Variants in TM9SF2 observed in about 807,000 individuals in gnomAD.
TM9SF2 encodes transmembrane 9 superfamily member 2, also known as 76 kDa membrane protein.
A neutral mutation model predicts 84.9 loss-of-function variants in TM9SF2; 13 were observed. The ratio of observed to expected loss-of-function variants is 0.15; its 90% CI spans 0.10 to 0.24. The LOEUF (loss-of-function observed/expected upper bound fraction) is 0.24. Ranked by LOEUF, TM9SF2 falls within the 10% of genes least tolerant of loss-of-function variation. The pLI is 1.00. For missense variants in TM9SF2, 562 were observed against 818.5 expected (o/e 0.69, Z 3.82); for synonymous variants, 273 against 285.8 (o/e 0.96, Z 0.45).
At chr13:99,521,406 C>G (rs1662421794) in intron 3 of TM9SF2, among the ~76,000 whole-genome samples, 1 of 152,202 alleles carries the variant, frequency 6.6e-6, no homozygotes, top group African/African-American at 2.4e-5. Flanking sequence ...CCCAGCCCGA[C>G]AGCTTCCTCT....
At chr13:99,535,573 A>G (rs1037734464) in intron 4 of TM9SF2, among the ~76,000 whole-genome samples, 2 of 152,212 alleles carry the variant, frequency 1.3e-5, no homozygotes, top group Non-Finnish European at 2.9e-5. Context: ...GCAGTTTAAT[A>G]GTATAGGTGA....
chr13:99,512,542 A>C (rs2046117870), intron 1 of TM9SF2, among the ~76,000 whole-genome samples: 1 of 152,192 alleles, frequency 6.6e-6, no homozygotes, highest in African/African-American at 2.4e-5. Flanking sequence ...TGAGGGAGGA[A>C]AGGGTGTGAA....
intron 5 of TM9SF2, 83 bp downstream of exon 5, chr13:99,536,820 T>C (rs2046236525): frequency 4.7e-6 from 7 of 1,497,144 alleles, no homozygotes; most frequent in East Asian, 2.3e-5. Flanking sequence ...AAAATTGTTA[T>C]ATTCATTGAA....
chr13:99,548,216 C>T (rs2046291824), intron 11 of TM9SF2, among the ~76,000 whole-genome samples: 1 of 152,292 alleles, frequency 6.6e-6, no homozygotes, highest in Non-Finnish European at 1.5e-5. Flanking sequence ...CCCATCTGCA[C>T]TCCACTCACT....
In TM9SF2 at chr13:99,562,940, A is replaced by C; in HGVS notation, c.*182A>C. 1 of 520,520 alleles carries C rather than the reference A, an allele frequency of 1.9e-6. No individual in the cohort carries two copies. Among genetic ancestry groups the C allele is most frequent in the Non-Finnish European group, 3.4e-6 (1 of 297,546 alleles). The allele number at this position is 520,520 out of a possible 1,614,324, so 32.2% of individuals were successfully genotyped here. A position where few individuals can be genotyped will look rare whatever the true frequency, so the allele number is the denominator to read the frequency against. On this transcript the variant is annotated 3_prime_UTR_variant, in exon 17 of 17. Transcript: ENST00000376387. Reference sequence around the variant, plus strand: ...CCCCATAAGATGTGTCTTCAACACTATAAAGCATTTGTATTGTGATTTGAT... The same window carrying C: ...CCCCATAAGATGTGTCTTCAACACTCTAAAGCATTTGTATTGTGATTTGAT...
intron 10 of TM9SF2, among the ~76,000 whole-genome samples, chr13:99,545,001 A>G (rs2046276976): frequency 6.6e-6 from 1 of 152,190 alleles, no homozygotes; most frequent in South Asian, 2.1e-4. Flanking sequence ...AAAAAGGTTT[A>G]TGAATAGAAT....
chr13:99,533,752 G>A lies in TM9SF2; in HGVS notation c.462-2856G>A, dbSNP rs113413525. 8.3e-3 allele frequency among the ~76,000 whole-genome samples: 1,257 copies of A among 152,242 alleles called. 15 individuals carry two copies. Among genetic ancestry groups the A allele is most frequent in the African/African-American group, 0.029 (1,220 of 41,538 alleles). ...CGACTCACTGCAACCTCAGCCTCCT[G>A]GGTTCAAGTGATTCTCCTGCCTCTG... On this transcript the variant is annotated intron_variant, in intron 4 of 16. Transcript: ENST00000376387.
intron 15 of TM9SF2, among the ~76,000 whole-genome samples, chr13:99,557,243 G>A (rs908713633): frequency 6.6e-6 from 1 of 152,146 alleles, no homozygotes; most frequent in African/African-American, 2.4e-5. Flanking sequence ...GTGTGAAGCG[G>A]TGTCTCATTC....
chr13:99,541,760 T>G (rs2046260566), intron 9 of TM9SF2, 93 bp downstream of exon 9: 1 of 792,950 alleles, frequency 1.3e-6, no homozygotes, highest in South Asian at 2.3e-5. Context: ...AATCTGCTTT[T>G]AAAACATTCT....
chr13:99,519,981 T>G, intron 2 of TM9SF2, 55 bp from the exon 3 acceptor site: 2 of 1,529,388 alleles, frequency 1.3e-6, no homozygotes, highest in South Asian at 2.3e-5. Context: ...TGGCTAGGTG[T>G]TTGATATTTC....
chr13:99,505,947 G>A (rs200995032), intron 1 of TM9SF2, among the ~76,000 whole-genome samples: 10 of 152,122 alleles, frequency 6.6e-5, no homozygotes, highest in East Asian at 1.9e-4. Context: ...GATAGATCAC[G>A]TTCTTAGATG....
intron 1 of TM9SF2, among the ~76,000 whole-genome samples, chr13:99,516,125 C>T (rs948830778): frequency 1.3e-5 from 2 of 152,116 alleles, no homozygotes; most frequent in African/African-American, 4.8e-5. Flanking sequence ...ATAATTTGAC[C>T]ACAGTCACAC....
At chr13:99,522,954 G>A (rs2046166860) in intron 3 of TM9SF2, among the ~76,000 whole-genome samples, 1 of 152,160 alleles carries the variant, frequency 6.6e-6, no homozygotes, top group South Asian at 2.1e-4. Flanking sequence ...GAGAGCTTTA[G>A]AATGGAGAAA....
intron 4 of TM9SF2, among the ~76,000 whole-genome samples, chr13:99,532,392 A>C (rs905089067): frequency 6.6e-6 from 1 of 152,052 alleles, no homozygotes; most frequent in African/African-American, 2.4e-5. Context: ...CTCTGTGCTT[A>C]GAATACTGTT....
intron 4 of TM9SF2, among the ~76,000 whole-genome samples, chr13:99,532,761 G>GA (rs2046216593): frequency 3.3e-5 from 5 of 152,216 alleles, no homozygotes; most frequent in Admixed American, 6.5e-5. Flanking sequence ...TTAATAACAA[G>GA]AAAGAATAAA....
In TM9SF2 at chr13:99,505,372, C is replaced by T. The variant is rs1026072688; in HGVS notation, c.171+3595C>T. The stretch of plus-strand genomic sequence containing the variant: ...TTCACCACGTTGGCCAGGCTTGTCT[C>T]GAACTCCTGAGCTCTCAGGTGATTC... On this transcript the variant is annotated intron_variant, in intron 1 of 16. Coordinates refer to ENST00000376387, the MANE Select transcript of TM9SF2 (RefSeq NM_004800.3). Among the ~76,000 whole-genome samples the T allele has an allele frequency of 1.1e-4, 16 of 152,140 alleles. No homozygotes were observed. The East Asian group carries it at 2.1e-3, about 20-fold the overall frequency.
chr13:99,546,311 T>G (rs1459605213), intron 10 of TM9SF2, among the ~76,000 whole-genome samples: 1 of 152,228 alleles, frequency 6.6e-6, no homozygotes, highest in African/African-American at 2.4e-5. Context: ...TTATAACTTC[T>G]GAGCCCCAGC....
intron 15 of TM9SF2, 25 bp from the exon 16 acceptor site, chr13:99,559,338 T>C (rs759865067): frequency 1.9e-6 from 3 of 1,551,550 alleles, no homozygotes; most frequent in Non-Finnish European, 2.6e-6. Context: ...AATGTAATTC[T>C]TGTTCTTTTT....
intron 12 of TM9SF2, among the ~76,000 whole-genome samples, chr13:99,550,560 C>T (rs961654676): frequency 6.6e-6 from 1 of 152,144 alleles, no homozygotes; most frequent in South Asian, 2.1e-4. Flanking sequence ...TCATCCTACT[C>T]TTAACAGTGG....
Sources: allele counts gnomAD v4.1 joint callset (sites outside exome capture counted in the v4.1 genomes callset), GRCh38; gene constraint gnomAD v4.1.1; transcripts MANE v1.5; gene names NCBI Gene and HGNC (gene_info 2026-07-23, HGNC 2026-07-21).